The following CNTN4 variants were observed in gnomAD, a reference collection of about 807,000 sequenced individuals.
The protein encoded by CNTN4 is contactin-4.
A neutral mutation model predicts 122.5 loss-of-function variants in CNTN4; 77 were observed. That is an observed-to-expected ratio of 0.63 (90% confidence interval 0.52 to 0.76). CNTN4 has a LOEUF of 0.76. Ranked by LOEUF, CNTN4 falls within the 30% of genes least tolerant of loss-of-function variation. The probability of loss-of-function intolerance (pLI) is 0.00; values close to 1 mark genes in which losing one functional copy is unlikely to be tolerated. For synonymous variants in CNTN4, 512 were observed against 447.0 expected (o/e 1.15, Z -1.83); for missense variants, 1,256 against 1,259.1 (o/e 1.00, Z 0.04).
At chr3:3,012,422 C>CTTGT (rs796854273) in intron 14 of CNTN4, among the ~76,000 whole-genome samples, 23 of 152,022 alleles carry the variant, frequency 1.5e-4, no homozygotes, top group African/African-American at 5.3e-4. Context: ...AAGCTCTATT[C>CTTGT]TTGTTTGTTT....
At chr3:2,581,107 T>C (rs547932342) in intron 4 of CNTN4, among the ~76,000 whole-genome samples, 44 of 152,272 alleles carry the variant, frequency 2.9e-4, no homozygotes, top group African/African-American at 1.0e-3. Flanking sequence ...GAAATGGGGA[T>C]TTTGGGGCTC....
intron 3 of CNTN4, among the ~76,000 whole-genome samples, chr3:2,457,231 A>G (rs2049037563): frequency 6.6e-6 from 1 of 152,152 alleles, no homozygotes; most frequent in Middle Eastern, 3.2e-3. Flanking sequence ...TTCAGAATCC[A>G]ATGTTGCATA....
At chr3:2,128,270 T>C (rs1315170239) in intron 2 of CNTN4, among the ~76,000 whole-genome samples, 5 of 152,320 alleles carry the variant, frequency 3.3e-5, no homozygotes, top group Non-Finnish European at 7.4e-5. Context: ...TTCTACTTTT[T>C]TAAACTGGCC....
intron 3 of CNTN4, among the ~76,000 whole-genome samples, chr3:2,540,205 C>A (rs1487881739): frequency 6.6e-6 from 1 of 151,976 alleles, no homozygotes; most frequent in Admixed American, 6.6e-5. Context: ...TTATTTGCCT[C>A]CCTTTGGAAG....
chr3:2,287,632 G>GAGAAGAAGA (rs1210971247), intron 2 of CNTN4, among the ~76,000 whole-genome samples: 25 of 49,510 alleles, frequency 5.0e-4, no homozygotes, highest in African/African-American at 1.7e-3. Flanking sequence ...GAAGGAGAAG[G>GAGAAGAAGA]AGAAGAAGAA....
intron 3 of CNTN4, among the ~76,000 whole-genome samples, chr3:2,464,494 G>C (rs1036087081): frequency 1.3e-5 from 2 of 152,208 alleles, no homozygotes; most frequent in African/African-American, 4.8e-5. Flanking sequence ...GTGCATAGTA[G>C]TGGGGATATA....
intron 10 of CNTN4, among the ~76,000 whole-genome samples, chr3:2,898,008 AG>A (rs1423757989): frequency 2.6e-5 from 4 of 152,156 alleles, no homozygotes; most frequent in African/African-American, 9.7e-5. Context: ...ACTTTGAACT[AG>A]GTAACCCCCC....
intron 3 of CNTN4, among the ~76,000 whole-genome samples, chr3:2,560,647 G>A (rs1320501063): frequency 6.6e-6 from 1 of 152,170 alleles, no homozygotes; most frequent in Non-Finnish European, 1.5e-5. Context: ...AACAATACAA[G>A]TCCAAGACTT....
intron 3 of CNTN4, among the ~76,000 whole-genome samples, chr3:2,372,517 GA>G (rs2045670141): frequency 6.6e-6 from 1 of 152,300 alleles, no homozygotes; most frequent in East Asian, 1.9e-4. Flanking sequence ...GGACATAGTT[GA>G]AATTTGACAC....
intron 14 of CNTN4, among the ~76,000 whole-genome samples, chr3:2,998,638 T>A (rs1373725790): frequency 6.6e-6 from 1 of 150,572 alleles, no homozygotes; most frequent in African/African-American, 2.4e-5. Flanking sequence ...TGAGTAAGAG[T>A]CTACCAGATT....
intron 3 of CNTN4, among the ~76,000 whole-genome samples, chr3:2,350,728 G>T (rs2044578475): frequency 6.6e-6 from 1 of 152,100 alleles, no homozygotes; most frequent in African/African-American, 2.4e-5. Flanking sequence ...TTTAATTGAT[G>T]CTTATACATT....
chr3:3,002,524 C>T (rs1289988176), intron 14 of CNTN4, among the ~76,000 whole-genome samples: 1 of 152,060 alleles, frequency 6.6e-6, no homozygotes, highest in Non-Finnish European at 1.5e-5. Flanking sequence ...TGAGATATGA[C>T]CTACTTTTTC....
intron 2 of CNTN4, among the ~76,000 whole-genome samples, chr3:2,120,393 ATATATATATATATTTT>A (rs1490184483): frequency 8.5e-4 from 25 of 29,496 alleles, no homozygotes; most frequent in African/African-American, 2.0e-3. Context: ...ATATATATAT[ATATATATATATATTTT>A]TTTTTTTTTT....
At chr3:3,046,653 A>G (rs163350) in intron 23 of CNTN4, among the ~76,000 whole-genome samples, 139,645 of 152,080 alleles carry the variant, frequency 0.92, 64,211 homozygotes, top group African/African-American at 0.96. Flanking sequence ...AGGAACAGCC[A>G]GTACCAGCCT....
Position 2,866,793 on chromosome 3 carries a change from C to G in CNTN4, c.496C>G (p.Gln166Glu), listed in dbSNP as rs2093728953. ...GATCTTCAATGAATACCCTTCCTAT[C>G]AGGATAATCGCCGCTTTGTTTCTCA... The part of the protein sequence containing the change: ...AWIFNEYPSY[Q>E]DNRRFVSQET... Residue 166 changes from glutamine to glutamate, a missense_variant, in exon 8 of 25, where the codon CAG becomes GAG. Physicochemically the swap from Gln to Glu is conservative, Grantham distance 29 (BLOSUM62 2). Transcript: ENST00000418658. The G allele has an allele frequency of 6.2e-7, 1 of 1,613,846 alleles. No homozygotes were observed. Among genetic ancestry groups the G allele is most frequent in the Admixed American group, 1.7e-5 (1 of 59,994 alleles).
intron 2 of CNTN4, among the ~76,000 whole-genome samples, chr3:2,219,084 G>A (rs909628578): frequency 6.6e-6 from 1 of 152,152 alleles, no homozygotes; most frequent in Non-Finnish European, 1.5e-5. Flanking sequence ...TTCCATGAAG[G>A]CAGATTTTAT....
chr3:2,722,172 A>G (rs1017174945), intron 4 of CNTN4, among the ~76,000 whole-genome samples: 3 of 152,204 alleles, frequency 2.0e-5, no homozygotes, highest in Non-Finnish European at 1.5e-5. Flanking sequence ...TAGATTCTCT[A>G]TTCCCTTTCT....
chr3:2,745,698 G>A lies in CNTN4; in HGVS notation c.358+1G>A. 2 of 1,613,732 alleles carry A rather than the reference G, an allele frequency of 1.2e-6. No individual in the cohort carries two copies. Among genetic ancestry groups the A allele is most frequent in the African/African-American group, 1.3e-5 (1 of 75,052 alleles). ...AGAGAAGCAAAGCTTCAGTTTGCTT[G>A]TAAGTAGCAATTATACAATGCTGCA... is the stretch of plus-strand genomic sequence containing the variant. On this transcript the variant is annotated splice_donor_variant, in intron 6 of 24. Coordinates refer to ENST00000418658, the MANE Select transcript of CNTN4 (RefSeq NM_175607.3). LOFTEE classifies it high-confidence loss of function.
intron 14 of CNTN4, among the ~76,000 whole-genome samples, chr3:2,996,507 G>T (rs1315529539): frequency 6.6e-6 from 1 of 151,970 alleles, no homozygotes; most frequent in Admixed American, 6.6e-5. Context: ...ATGAATTAAT[G>T]AATTCTTTTG....
Sources: gnomAD v4.1 joint callset for allele counts (sites outside exome capture counted in the v4.1 genomes callset) on GRCh38, gnomAD v4.1.1 for gene constraint, MANE v1.5 for transcripts, NCBI Gene and HGNC (gene_info 2026-07-23, HGNC 2026-07-21) for gene names.